LIPH: variants seen among roughly 807,000 people sequenced by gnomAD.
LIPH encodes lipase member H.
LIPH carries 32 observed loss-of-function variants against 47.6 expected under a neutral mutation model. That is an observed-to-expected ratio of 0.67 (90% CI 0.51 to 0.90). The LOEUF (loss-of-function observed/expected upper bound fraction) is 0.90. LIPH is among the 40% of genes least tolerant of loss of function. The pLI is 0.00. For synonymous variants in LIPH, 190 were observed against 195.6 expected (o/e 0.97, Z 0.24); for missense variants, 497 against 541.4 (o/e 0.92, Z 0.81).
chr3:185,511,866 G>A (rs1189429750), intron 8 of LIPH, among the ~76,000 whole-genome samples, 169 bp from the exon 9 acceptor site: 1 of 149,256 alleles, frequency 6.7e-6, no homozygotes, highest in Non-Finnish European at 1.5e-5. Flanking sequence ...CTGTTGCCCA[G>A]GCTGGAGTGT....
At chr3:185,526,662 ATAAT>A (rs1560162946) in intron 4 of LIPH, among the ~76,000 whole-genome samples, 2 of 90,272 alleles carry the variant, frequency 2.2e-5, no homozygotes. Context: ...AAAATAAAAA[ATAAT>A]ATAATATAAT....
chr3:185,541,753 T>C (rs1318923088), intron 1 of LIPH, among the ~76,000 whole-genome samples: 1 of 133,232 alleles, frequency 7.5e-6, no homozygotes, highest in Non-Finnish European at 1.6e-5. Flanking sequence ...TATTTATTTA[T>C]TTATTATTAT....
chr3:185,510,192 G>T (rs1262533354), intron 9 of LIPH, among the ~76,000 whole-genome samples: 1 of 151,948 alleles, frequency 6.6e-6, no homozygotes, highest in Non-Finnish European at 1.5e-5. Flanking sequence ...CAGGTGATCC[G>T]CCCACTTTGG....
chr3:185,515,403 A>G lies in LIPH; in HGVS notation c.983-882T>C, dbSNP rs537186145. Among the ~76,000 whole-genome samples the G allele has an allele frequency of 2.0e-5, 3 of 152,244 alleles. No individual in the cohort carries two copies. In the East Asian group the frequency reaches 5.8e-4, roughly 29 times the overall value. ...GAATAAGGTCAGTCCTGGATTTGCC[A>G]TTTTATGGCCCAACTTGCTCAGGGG... On this transcript the variant is annotated intron_variant, in intron 7 of 9. Transcript: ENST00000296252.
intron 1 of LIPH, among the ~76,000 whole-genome samples, chr3:185,537,064 T>C (rs1224608456): frequency 6.6e-6 from 1 of 152,182 alleles, no homozygotes; most frequent in East Asian, 1.9e-4. Context: ...TTTGTATTTT[T>C]AGTAGAGACA....
chr3:185,551,834 A>AT (rs951666565), intron 1 of LIPH, among the ~76,000 whole-genome samples: 1 of 152,020 alleles, frequency 6.6e-6, no homozygotes, highest in Non-Finnish European at 1.5e-5. Context: ...ATTTCACTTT[A>AT]TTTTTGTTAC....
chr3:185,519,949 C>T (rs953347999), intron 5 of LIPH, among the ~76,000 whole-genome samples: 7 of 149,310 alleles, frequency 4.7e-5, no homozygotes, highest in Admixed American at 1.3e-4. Context: ...GCATCAAAAT[C>T]GTGCTTATTA....
intron 1 of LIPH, among the ~76,000 whole-genome samples, chr3:185,547,773 C>T (rs762093863): frequency 1.5e-4 from 23 of 149,710 alleles, no homozygotes; most frequent in Non-Finnish European, 2.7e-4. Flanking sequence ...TGCAATGAGC[C>T]GAGATCGCGC....
intron 7 of LIPH, among the ~76,000 whole-genome samples, chr3:185,516,414 C>T (rs561566539): frequency 6.6e-6 from 1 of 152,202 alleles, no homozygotes; most frequent in South Asian, 2.1e-4. Flanking sequence ...ACTTGGGTGA[C>T]AGAGTGAGAC....
chr3:185,522,600 G>A (rs1719927560), intron 5 of LIPH, among the ~76,000 whole-genome samples: 1 of 138,336 alleles, frequency 7.2e-6, no homozygotes, highest in South Asian at 2.3e-4. Context: ...AGAGAAAAAA[G>A]AAGGAAGGGA....
chr3:185,529,008 CA>C (rs11457671), intron 3 of LIPH, among the ~76,000 whole-genome samples: 9,184 of 111,630 alleles, frequency 0.082, 419 homozygotes, highest in African/African-American at 0.15. Flanking sequence ...TTAAAAATAC[CA>C]AAAAAAAAAA....
chr3:185,508,531 C>CA lies in LIPH; in HGVS notation c.*258dup, dbSNP rs1219305075. On this transcript the variant is annotated 3_prime_UTR_variant, in exon 10 of 10. Coordinates refer to ENST00000296252, the MANE Select transcript of LIPH (RefSeq NM_139248.3). ...TGACAGGTCGGAACAAGGGAGGCCC[C>CA]AGGACACAGCAGACACAGCGCTGCG... 4 of 488,832 alleles carry CA rather than the reference C, an allele frequency of 8.2e-6. No individual in the cohort carries two copies. Among genetic ancestry groups the CA allele is most frequent in the Middle Eastern group, 5.9e-4 (1 of 1,706 alleles). 30.3% of individuals were successfully genotyped at this position (488,832 alleles called of 1,614,324 possible). A position where few individuals can be genotyped will look rare whatever the true frequency, so the allele number is the denominator to read the frequency against.
chr3:185,524,552 C>T (rs373714885), intron 4 of LIPH, among the ~76,000 whole-genome samples: 33 of 150,998 alleles, frequency 2.2e-4, no homozygotes, highest in Non-Finnish European at 4.3e-4. Context: ...TGGGTTCAAG[C>T]GATTTTCCTG....
chr3:185,513,166 C>A (rs1272627359), intron 8 of LIPH, among the ~76,000 whole-genome samples: 1 of 151,930 alleles, frequency 6.6e-6, no homozygotes, highest in Non-Finnish European at 1.5e-5. Flanking sequence ...CATGTGAAAA[C>A]CCGTCTCTAC....
intron 7 of LIPH, among the ~76,000 whole-genome samples, chr3:185,516,331 C>G (rs1282070934): frequency 1.3e-5 from 2 of 151,342 alleles, no homozygotes; most frequent in African/African-American, 4.9e-5. Flanking sequence ...TACTCGGAAT[C>G]CTGAGGCAGG....
Position 185,511,505 on chromosome 3 carries a change from A to G in LIPH, c.1268+19T>C, listed in dbSNP as rs1392945300. 3 of 1,613,552 alleles carry G rather than the reference A, an allele frequency of 1.9e-6. No homozygotes were observed. Among genetic ancestry groups the G allele is most frequent in the African/African-American group, 1.3e-5 (1 of 74,912 alleles). The stretch of plus-strand genomic sequence containing the variant: ...ATCTTTGGAAAACAGCGTTTTGTCA[A>G]ACCGTACCCTCAGCTCACCTCTCCG... On this transcript the variant is annotated intron_variant, in intron 9 of 9. Coordinates refer to ENST00000296252, the MANE Select transcript of LIPH (RefSeq NM_139248.3).
Position 185,527,602 on chromosome 3 carries a change from G to A in LIPH, c.527-17C>T. On this transcript the variant is annotated splice_polypyrimidine_tract_variant and intron_variant, in intron 3 of 9. Coordinates refer to ENST00000296252, the MANE Select transcript of LIPH (RefSeq NM_139248.3). Reference sequence around the variant, plus strand: ...GGTCGAGGCCTGGAAGGAAAACAGAGTCACTTGGCAGCCCCACACCATGAG... The same window carrying A: ...GGTCGAGGCCTGGAAGGAAAACAGAATCACTTGGCAGCCCCACACCATGAG... 6.5e-7 allele frequency: 1 copy of A among 1,538,498 alleles called. No homozygotes were observed. Among genetic ancestry groups the A allele is most frequent in the Non-Finnish European group, 9.0e-7 (1 of 1,113,290 alleles).
chr3:185,548,875 C>G (rs1031129624), intron 1 of LIPH, among the ~76,000 whole-genome samples: 1 of 149,756 alleles, frequency 6.7e-6, no homozygotes, highest in Non-Finnish European at 1.5e-5. Context: ...GGCTCACACC[C>G]GTAATCACAG....
At chr3:185,551,652 A>G (rs1386769786) in intron 1 of LIPH, among the ~76,000 whole-genome samples, 2 of 152,152 alleles carry the variant, frequency 1.3e-5, no homozygotes, top group Non-Finnish European at 2.9e-5. Flanking sequence ...ATAAATTCCC[A>G]GCAATGGTTT....
Sources: gnomAD v4.1 joint callset for allele counts (sites outside exome capture counted in the v4.1 genomes callset) on GRCh38, gnomAD v4.1.1 for gene constraint, MANE v1.5 for transcripts, NCBI Gene and HGNC (gene_info 2026-07-23, HGNC 2026-07-21) for gene names.